The following MAML2 variants were observed in gnomAD, a reference collection of about 807,000 sequenced individuals.
MAML2 encodes mastermind-like protein 2.
MAML2 carries 22 observed loss-of-function variants against 96.1 expected under a neutral mutation model. The observed-to-expected ratio is 0.23, with a 90% CI of 0.16 to 0.33. MAML2 has a LOEUF of 0.33. MAML2 is among the 10% of genes least tolerant of loss of function. The pLI is 1.00. For missense variants in MAML2, 1,367 were observed against 1,392.4 expected (o/e 0.98, Z 0.29); for synonymous variants, 561 against 521.3 (o/e 1.08, Z -1.04).
In MAML2 at chr11:96,001,140, G is replaced by A. The variant is rs140738004; in HGVS notation, c.2140-9417C>T. Among the ~76,000 whole-genome samples, 847 of 152,266 alleles carry A rather than the reference G, an allele frequency of 5.6e-3. 8 individuals carry two copies. Among genetic ancestry groups the A allele is most frequent in the African/African-American group, 0.02 (827 of 41,538 alleles). ...GAATGAATTTCATAGTCACTACAGA[G>A]TTTATCCTTCAGATGTTACCCAATT... is the stretch of plus-strand genomic sequence containing the variant. On this transcript the variant is annotated intron_variant, in intron 2 of 4. Coordinates refer to ENST00000524717, the MANE Select transcript of MAML2 (RefSeq NM_032427.4).
chr11:96,095,098 G>A (rs1209120021), intron 1 of MAML2, among the ~76,000 whole-genome samples: 3 of 152,168 alleles, frequency 2.0e-5, no homozygotes. Flanking sequence ...CAGCTAGCAA[G>A]TGGGCTTTAA....
chr11:96,152,752 G>C (rs535795794), intron 1 of MAML2, among the ~76,000 whole-genome samples: 13 of 152,322 alleles, frequency 8.5e-5, no homozygotes, highest in Admixed American at 6.5e-4. Context: ...TGCTGATTTG[G>C]TAAAAGAAGG....
At chr11:96,181,551 C>A (rs2508999) in intron 1 of MAML2, among the ~76,000 whole-genome samples, 134,845 of 152,150 alleles carry the variant, frequency 0.89, 59,880 homozygotes, top group Middle Eastern at 0.95. Context: ...TCCTTGCCCT[C>A]CCACCCCCTT....
At chr11:96,039,923 A>T (rs975347232) in intron 2 of MAML2, among the ~76,000 whole-genome samples, 4 of 146,698 alleles carry the variant, frequency 2.7e-5, no homozygotes, top group Non-Finnish European at 4.5e-5. Context: ...GTGCCACTGC[A>T]CTCCAGCCTG....
chr11:96,316,719 A>C (rs943497965), intron 1 of MAML2, among the ~76,000 whole-genome samples: 4 of 152,200 alleles, frequency 2.6e-5, no homozygotes, highest in Non-Finnish European at 5.9e-5. Context: ...AAGAGTTTTA[A>C]GCAGGGGTAG....
chr11:95,993,588 A>G (rs1265354818), intron 2 of MAML2, among the ~76,000 whole-genome samples: 6 of 152,132 alleles, frequency 3.9e-5, no homozygotes, highest in Admixed American at 6.6e-5. Context: ...AAACAAACAA[A>G]CAAAAAACCA....
chr11:96,193,901 C>T (rs1209762111), intron 1 of MAML2, among the ~76,000 whole-genome samples: 1 of 152,158 alleles, frequency 6.6e-6, no homozygotes, highest in Admixed American at 6.5e-5. Context: ...TTTCTCTTTT[C>T]TTTGTTCCTT....
At chr11:96,013,063 C>G (rs1312583969) in intron 2 of MAML2, among the ~76,000 whole-genome samples, 1 of 152,166 alleles carries the variant, frequency 6.6e-6, no homozygotes, top group East Asian at 1.9e-4. Context: ...GTACATTTCA[C>G]TGATGACCAT....
In MAML2 at chr11:96,093,253, T is replaced by C. The variant is rs373471964; in HGVS notation, c.778A>G (p.Met260Val). The change falls in exon 2 of 5, where the codon ATG becomes GTG. Residue 260 changes from methionine to valine, a missense_variant. By Grantham distance (21) the Met-to-Val change is conservative. Coordinates refer to ENST00000524717, the MANE Select transcript of MAML2 (RefSeq NM_032427.4). ...THSPGNGLFN[M>V]GLKEVKKEPG... ...TCCTTCTTTACCTCCTTTAAGCCCA[T>C]GTTAAACAGGCCATTGCCAGGAGAA... 1.2e-5 allele frequency: 19 copies of C among 1,613,912 alleles called. No homozygotes were observed. Among genetic ancestry groups the C allele is most frequent in the Admixed American group, 1.7e-5 (1 of 60,002 alleles).
At chr11:96,054,610 T>C (rs967797958) in intron 2 of MAML2, among the ~76,000 whole-genome samples, 1 of 152,176 alleles carries the variant, frequency 6.6e-6, no homozygotes, top group African/African-American at 2.4e-5. Context: ...GAATTAACTA[T>C]TTAGCCTGTA....
At chr11:96,120,237 G>A (rs1281337424) in intron 1 of MAML2, among the ~76,000 whole-genome samples, 2 of 152,154 alleles carry the variant, frequency 1.3e-5, no homozygotes, top group African/African-American at 2.4e-5. Flanking sequence ...GTTTACAGGC[G>A]TGAGCCACCG....
chr11:96,312,219 C>CAAAAAAAAAAAAAAAAAAAAAAAA (rs34658278), intron 1 of MAML2, among the ~76,000 whole-genome samples: 6 of 51,560 alleles, frequency 1.2e-4, no homozygotes, highest in African/African-American at 1.9e-4. Context: ...GACTCTATCT[C>CAAAAAAAAAAAAAAAAAAAAAAAA]AAAAAAAAAA....
rs182181079 is a variant in MAML2 at position 96,298,579 on chromosome 11, C to A, written c.513+42804G>T. On this transcript the variant is annotated intron_variant, in intron 1 of 4. Coordinates refer to ENST00000524717, the MANE Select transcript of MAML2 (RefSeq NM_032427.4). ...TGCTGGGTTATATAAGAGAAGATAA[C>A]CAAGCAAACAAAGAGGTAATGAGTT... is the stretch of plus-strand genomic sequence containing the variant. Among the ~76,000 whole-genome samples the A allele has an allele frequency of 9.7e-3, 1,480 of 151,944 alleles. 9 individuals are homozygous for A. Among genetic ancestry groups the A allele is most frequent in the Non-Finnish European group, 0.015 (986 of 67,982 alleles).
chr11:96,166,148 C>G (rs1010980550), intron 1 of MAML2, among the ~76,000 whole-genome samples: 5 of 109,236 alleles, frequency 4.6e-5, no homozygotes, highest in African/African-American at 1.3e-4. Flanking sequence ...CTCTCTCTCT[C>G]TGTCTGTCTC....
chr11:96,183,356 C>A (rs1259850434), intron 1 of MAML2, among the ~76,000 whole-genome samples: 2 of 150,178 alleles, frequency 1.3e-5, no homozygotes, highest in Non-Finnish European at 3.0e-5. Context: ...TTCTTCCTCT[C>A]TTTCTCTCTT....
At chr11:96,257,835 A>G (rs1862690063) in intron 1 of MAML2, among the ~76,000 whole-genome samples, 1 of 152,200 alleles carries the variant, frequency 6.6e-6, no homozygotes, top group Admixed American at 6.5e-5. Flanking sequence ...AGAAAGGAAA[A>G]TAATGAATTG....
chr11:96,195,193 TAAA>T (rs1391285996), intron 1 of MAML2, among the ~76,000 whole-genome samples: 38 of 152,108 alleles, frequency 2.5e-4, no homozygotes, highest in Admixed American at 6.5e-4. Flanking sequence ...GCATTCAAAT[TAAA>T]AAGAAAAGAA....
intron 2 of MAML2, among the ~76,000 whole-genome samples, chr11:96,038,282 A>G (rs77812343): frequency 0.013 from 1,979 of 152,306 alleles, 38 homozygotes; most frequent in African/African-American, 0.043. Flanking sequence ...CAACACCTGT[A>G]TTATATCGAC....
At chr11:96,181,132 T>A (rs1456998424) in intron 1 of MAML2, among the ~76,000 whole-genome samples, 1 of 152,190 alleles carries the variant, frequency 6.6e-6, no homozygotes, top group East Asian at 1.9e-4. Context: ...ACTTCTTTTG[T>A]GATTCTTCAG....
Sources: gnomAD v4.1 joint callset for allele counts (sites outside exome capture counted in the v4.1 genomes callset) on GRCh38, gnomAD v4.1.1 for gene constraint, MANE v1.5 for transcripts, NCBI Gene and HGNC (gene_info 2026-07-23, HGNC 2026-07-21) for gene names.